The following SNX21 variants were observed in gnomAD, a reference collection of about 807,000 sequenced individuals.
SNX21 encodes sorting nexin family member 21.
In SNX21, 36 loss-of-function variants were observed where a neutral mutation model predicts 30.9. That is an observed-to-expected ratio of 1.16 (90% CI 0.89 to 1.54). SNX21 has a LOEUF of 1.54. Ranked by LOEUF, SNX21 falls within the 40% of genes most tolerant of loss-of-function variation. SNX21 has a pLI of 0.00. For synonymous variants in SNX21, 218 were observed against 222.7 expected (o/e 0.98, Z 0.19); for missense variants, 508 against 516.5 (o/e 0.98, Z 0.16).
chr20:45,837,636 G>A (rs150174876), intron 3 of SNX21, among the ~76,000 whole-genome samples: 21 of 152,246 alleles, frequency 1.4e-4, no homozygotes, highest in South Asian at 2.1e-4. Flanking sequence ...GGGGAACTTC[G>A]TGATCATCTT....
rs551089787 is a variant in SNX21, at chr20:45,840,924, C to T, written c.733C>T (p.Arg245Trp). ...GGACTTCTTCGTGCTGCCGGAGCTG[C>T]GGCGGGCACAGAGCCTCACCTGTAC... ...LQDFFVLPEL[R>W]RAQSLTCTGL... The change falls in exon 4 of 4, where the codon CGG becomes TGG. Residue 245 changes from arginine to tryptophan, a missense_variant. Transcript: ENST00000491381. 1.9e-5 allele frequency: 31 copies of T among 1,611,942 alleles called. No homozygotes were observed. In the East Asian group the frequency reaches 3.6e-4, roughly 19 times the overall value.
chr20:45,841,818 G>C lies in SNX21; in HGVS notation c.*505G>C, dbSNP rs775337601. 1.3e-6 allele frequency: 2 copies of C among 1,582,692 alleles called. No individual in the cohort carries two copies. The highest frequency in any genetic ancestry group is 1.8e-5 in the Admixed American group (1 of 54,676). ...TAGATGGGAGGTTCTTGAAGCCCCA[G>C]GCGAAGCTGGTACCTCTGGCTACAG... is the stretch of plus-strand genomic sequence containing the variant. On this transcript the variant is annotated 3_prime_UTR_variant, in exon 4 of 4. Transcript: ENST00000491381.
chr20:45,835,267 C>T (rs1601066068), intron 3 of SNX21, 151 bp downstream of exon 3: 1 of 938,532 alleles, frequency 1.1e-6, no homozygotes, highest in Non-Finnish European at 1.5e-6. Flanking sequence ...GGGGATGTAA[C>T]TTGAGCAAAT....
intron 3 of SNX21, among the ~76,000 whole-genome samples, chr20:45,839,003 C>T (rs931569295): frequency 3.3e-5 from 5 of 151,548 alleles, no homozygotes; most frequent in African/African-American, 1.2e-4. Context: ...AAGCAATTCT[C>T]CTGCCTCAGC....
chr20:45,842,928 A>T lies in SNX21; in HGVS notation c.*1615A>T. The T allele has an allele frequency of 9.9e-7, 1 of 1,007,546 alleles. No homozygotes were observed. Among genetic ancestry groups the T allele is most frequent in the Non-Finnish European group, 1.2e-6 (1 of 842,084 alleles). The allele number at this position is 1,007,546 out of a possible 1,614,324, so 62.4% of individuals were successfully genotyped here. ...AATGTACTCCCTTGGAAAGGAGGTC[A>T]GGGTTCTGAAGCTAGACATTGATGA... On this transcript the variant is annotated 3_prime_UTR_variant, in exon 4 of 4. Transcript: ENST00000491381.
At position 45,840,873 on chromosome 20, in the gene SNX21, G is replaced by C; in HGVS notation, c.682G>C (p.Glu228Gln). The C allele has an allele frequency of 6.2e-7, 1 of 1,613,648 alleles. No individual in the cohort carries two copies. Among genetic ancestry groups the C allele is most frequent in the South Asian group, 1.1e-5 (1 of 91,084 alleles). ...TTTGGGTCACCTGCAGGCAGTGCCT[G>C]AGCTGCGCCATGCCCCGGACCTGCA... ...QFLGHLQAVPELRHAPDLQDF... is the reference protein window; with the variant it reads ...QFLGHLQAVPQLRHAPDLQDF... Residue 228 changes from glutamate (E) to glutamine (Q), a missense_variant, in exon 4 of 4, where the codon GAG becomes CAG. By Grantham distance (29) the Glu-to-Gln change is conservative. Coordinates refer to ENST00000491381, the MANE Select transcript of SNX21 (RefSeq NM_033421.4).
At position 45,841,420 on chromosome 20, in the gene SNX21, G is replaced by T. The variant is rs773327799; in HGVS notation, c.*107G>T. On this transcript the variant is annotated 3_prime_UTR_variant, in exon 4 of 4. Coordinates refer to ENST00000491381, the MANE Select transcript of SNX21 (RefSeq NM_033421.4). ...TGGGAGGCTGCAGAGGGTGCTGGGA[G>T]CCCCTAGAAGTTCCAAAAGAGAATG... 5.8e-4 allele frequency: 863 copies of T among 1,476,776 alleles called. No homozygotes were observed. The highest frequency in any genetic ancestry group is 7.2e-4 in the Non-Finnish European group (805 of 1,117,420). The allele number at this position is 1,476,776 out of a possible 1,614,324, so 91.5% of individuals were successfully genotyped here.
In SNX21 at chr20:45,841,105, G is replaced by C. The variant is rs1568730984; in HGVS notation, c.914G>C (p.Cys305Ser). The C allele has an allele frequency of 1.9e-6, 3 of 1,609,926 alleles. No individual in the cohort carries two copies. Among genetic ancestry groups the C allele is most frequent in the Admixed American group, 1.7e-5 (1 of 59,458 alleles). Residue 305 changes from cysteine (C) to serine (S), a missense_variant, in exon 4 of 4, where the codon TGC becomes TCC. Coordinates refer to ENST00000491381, the MANE Select transcript of SNX21 (RefSeq NM_033421.4). ...ELEDPGEARA[C>S]CEKALQLLGD... ...GAAGACCCTGGAGAGGCCCGGGCAT[G>C]CTGTGAGAAGGCCCTGCAGCTGCTT...
At position 45,841,847 on chromosome 20, in the gene SNX21, G is replaced by A; in HGVS notation, c.*534G>A. 2 of 1,604,288 alleles carry A rather than the reference G, an allele frequency of 1.2e-6. No homozygotes were observed. Among genetic ancestry groups the A allele is most frequent in the Non-Finnish European group, 1.7e-6 (2 of 1,176,908 alleles). On this transcript the variant is annotated 3_prime_UTR_variant, in exon 4 of 4. Transcript: ENST00000491381. ...AAGCTGGTACCTCTGGCTACAGCTT[G>A]CTCTCTGAGACCTGGGGCTTCACTC...
At chr20:45,835,227 G>C in intron 3 of SNX21, 111 bp downstream of exon 3, 1 of 1,249,448 alleles carries the variant, frequency 8.0e-7, no homozygotes, top group South Asian at 1.7e-5. Context: ...TGGTTACCTT[G>C]TTTACAAATG....
intron 3 of SNX21, among the ~76,000 whole-genome samples, chr20:45,836,980 G>GTCTTTGAGCCCTTTTCCCCC (rs927452776): frequency 2.0e-5 from 3 of 152,230 alleles, no homozygotes; most frequent in Admixed American, 6.5e-5. Flanking sequence ...CTTACGGCAA[G>GTCTTTGAGCCCTTTTCCCCC]TCTTTGAGCC....
chr20:45,839,281 A>C lies in SNX21; in HGVS notation c.448-1358A>C, dbSNP rs533393292. On this transcript the variant is annotated intron_variant, in intron 3 of 3. Coordinates refer to ENST00000491381, the MANE Select transcript of SNX21 (RefSeq NM_033421.4). ...CTATAATCCCAGCACTCTGGGAGGC[A>C]AAGGCGGGCGGATCACAAGGTCAGG... Among the ~76,000 whole-genome samples, 27 of 152,186 alleles carry C rather than the reference A, an allele frequency of 1.8e-4. 1 individual carries two copies. In the South Asian group the frequency reaches 1.9e-3, roughly 11 times the overall value.
At chr20:45,839,327 A>G (rs956084011) in intron 3 of SNX21, among the ~76,000 whole-genome samples, 15 of 152,226 alleles carry the variant, frequency 9.9e-5, no homozygotes, top group Non-Finnish European at 1.8e-4. Flanking sequence ...CATCCTGGCT[A>G]ACACAGTGAA....
intron 2 of SNX21, 31 bp from the exon 3 acceptor site, chr20:45,834,927 GC>G: frequency 1.2e-6 from 2 of 1,605,804 alleles, no homozygotes; most frequent in South Asian, 2.2e-5. Context: ...CTGGCCCTAG[GC>G]CCATTGATAT....
rs765290337 is a variant in SNX21, at chr20:45,842,168, G to A, written c.*855G>A. On this transcript the variant is annotated 3_prime_UTR_variant, in exon 4 of 4. Coordinates refer to ENST00000491381, the MANE Select transcript of SNX21 (RefSeq NM_033421.4). The stretch of plus-strand genomic sequence containing the variant: ...CAAGTGGACTTCTTGCAAAGGGTCT[G>A]GCCCAGGGCAGGGCTGCCCCACACA... 6.5e-5 allele frequency: 99 copies of A among 1,515,796 alleles called. No homozygotes were observed. Among genetic ancestry groups the A allele is most frequent in the Non-Finnish European group, 8.5e-5 (97 of 1,138,396 alleles). 93.9% of individuals were successfully genotyped at this position (1,515,796 alleles called of 1,614,324 possible).
At position 45,834,306 on chromosome 20, in the gene SNX21, TCA is replaced by T; in HGVS notation, c.128_129del (p.Ser43Ter). On this transcript the variant is annotated frameshift_variant, in exon 2 of 4. Transcript: ENST00000491381. LOFTEE classifies it high-confidence loss of function. ...AGAGGCCGAGCAGTTTCCGGAGAGC[TCA>T]GAGCTGGAGGACGACGACGCCGAGG... ...SPEAEQFPESSELEDDDAEGL... is the reference protein window; with the variant it reads ...SPEAEQFPESXELEDDDAEGL... 6.3e-7 allele frequency: 1 copy of T among 1,596,408 alleles called. No homozygotes were observed. Among genetic ancestry groups the T allele is most frequent in the Non-Finnish European group, 8.5e-7 (1 of 1,177,092 alleles).
At chr20:45,835,197 G>A in intron 3 of SNX21, 81 bp downstream of exon 3, 1 of 1,464,196 alleles carries the variant, frequency 6.8e-7, no homozygotes, top group Non-Finnish European at 9.2e-7. Flanking sequence ...AACTTCCTGA[G>A]GGGTCTATGT....
chr20:45,834,390 G>A lies in SNX21; in HGVS notation c.211G>A (p.Asp71Asn), dbSNP rs1228157228. 2 of 1,598,878 alleles carry A rather than the reference G, an allele frequency of 1.3e-6. No homozygotes were observed. Among genetic ancestry groups the A allele is most frequent in the Non-Finnish European group, 1.7e-6 (2 of 1,172,816 alleles). The change falls in exon 2 of 4, where the codon GAC (aspartate) becomes AAC (asparagine). Residue 71 changes from aspartate to asparagine, a missense_variant. Physicochemically the swap from Asp to Asn is conservative, Grantham distance 23. Transcript: ENST00000491381. ...LSFTSAEDDEDDEDEDDEEAG... is the reference protein window; with the variant it reads ...LSFTSAEDDENDEDEDDEEAG... ...CTTCACCAGCGCCGAGGACGACGAGGACGACGAGGACGAGGACGACGAGGA... is the reference window on the plus strand; with the variant it reads ...CTTCACCAGCGCCGAGGACGACGAGAACGACGAGGACGAGGACGACGAGGA...
intron 3 of SNX21, chr20:45,840,364 C>A: frequency 1.9e-6 from 3 of 1,612,402 alleles, no homozygotes; most frequent in Non-Finnish European, 2.5e-6. Context: ...GAAGGGAGTA[C>A]AAAAAAAGGG....
Sources: allele counts gnomAD v4.1 joint callset (sites outside exome capture counted in the v4.1 genomes callset), GRCh38; gene constraint gnomAD v4.1.1; transcripts MANE v1.5; gene names NCBI Gene and HGNC (gene_info 2026-07-23, HGNC 2026-07-21).